Variants in PLEKHG4B observed in about 807,000 individuals in gnomAD.
PLEKHG4B encodes the protein pleckstrin homology domain-containing family G member 4B.
In PLEKHG4B, 111 loss-of-function variants were observed where a neutral mutation model predicts 121.3. The ratio of observed to expected loss-of-function variants is 0.92; its 90% CI spans 0.78 to 1.07. The LOEUF is 1.07. Among genes scored for constraint, PLEKHG4B ranks in the 50% least tolerant of loss-of-function variants. The pLI, the probability that PLEKHG4B is intolerant of heterozygous loss-of-function variation, is 0.00. For missense variants in PLEKHG4B, 1,831 were observed against 1,757.8 expected, an observed-to-expected ratio of 1.04 and a Z score of -0.74; for synonymous variants, 738 against 725.0, an observed-to-expected ratio of 1.02 and a Z score of -0.29.
intron 2 of PLEKHG4B, among the ~76,000 whole-genome samples, chr5:122,399 ATT>A (rs939939849): frequency 2.1e-4 from 30 of 142,236 alleles, no homozygotes; most frequent in African/African-American, 8.0e-4. Context: ...AATGCCCTTT[ATT>A]TTTATTTATT....
chr5:115,999 T>C (rs1208294661), intron 2 of PLEKHG4B, among the ~76,000 whole-genome samples: 2 of 152,260 alleles, frequency 1.3e-5, no homozygotes, highest in Non-Finnish European at 2.9e-5. Context: ...TTAGCTGACT[T>C]CTAGGTGCAG....
chr5:169,313 G>GC (rs762043837), intron 13 of PLEKHG4B, 27 bp from the exon 14 acceptor site: 10 of 1,611,522 alleles, frequency 6.2e-6, no homozygotes, highest in East Asian at 4.5e-5. Context: ...GGGGCCGTGT[G>GC]CCCCCCGGGA....
chr5:138,762 A>G (rs1490788955), intron 2 of PLEKHG4B, among the ~76,000 whole-genome samples: 2 of 152,386 alleles, frequency 1.3e-5, no homozygotes, highest in Non-Finnish European at 1.5e-5. Context: ...GCGGGGCTCT[A>G]GGCCCCAAGA....
intron 2 of PLEKHG4B, among the ~76,000 whole-genome samples, chr5:122,982 G>C (rs1198482371): frequency 6.6e-6 from 1 of 151,986 alleles, no homozygotes; most frequent in Non-Finnish European, 1.5e-5. Context: ...TCTCCTCTCA[G>C]CAATTCATAG....
chr5:155,464 G>A, intron 9 of PLEKHG4B, 21 bp downstream of exon 9: 1 of 1,591,394 alleles, frequency 6.3e-7, no homozygotes, highest in Non-Finnish European at 8.6e-7. Context: ...AGACTTGCAG[G>A]TAAGTTCATT....
intron 2 of PLEKHG4B, among the ~76,000 whole-genome samples, chr5:125,378 A>G (rs1198585051): frequency 2.0e-5 from 3 of 152,102 alleles, no homozygotes; most frequent in Non-Finnish European, 4.4e-5. Flanking sequence ...TTTGATTACC[A>G]TGGGGATTAC....
chr5:121,715 G>C (rs1734474331), intron 2 of PLEKHG4B, among the ~76,000 whole-genome samples: 1 of 151,862 alleles, frequency 6.6e-6, no homozygotes, highest in African/African-American at 2.4e-5. Flanking sequence ...TTTAAGTGTT[G>C]AAAGAAAAAA....
intron 1 of PLEKHG4B, among the ~76,000 whole-genome samples, chr5:92,509 C>G (rs1171102322): frequency 1.6e-5 from 1 of 62,876 alleles, no homozygotes; most frequent in East Asian, 4.5e-4. Context: ...GGTGAAGGCG[C>G]GAGCATCAAG....
At position 187,800 on chromosome 5, in the gene PLEKHG4B, A is replaced by AGT. The variant is rs1733672258; in HGVS notation, c.*5478_*5479insTG. ...TCCCCGGCCCGCCTGTAGCTCCCAA[A>AGT]GGTCTCAAGCCTCAACATCCTGGTA... is the stretch of plus-strand genomic sequence containing the variant. On this transcript the variant is annotated 3_prime_UTR_variant, in exon 20 of 20. Transcript: ENST00000637938. The AGT allele has an allele frequency of 2.0e-5, 3 of 152,220 alleles. No individual in the cohort carries two copies. Among genetic ancestry groups the AGT allele is most frequent in the Non-Finnish European group, 4.4e-5 (3 of 68,132 alleles). The allele number at this position is 152,220 out of a possible 1,614,324, so 9.4% of individuals were successfully genotyped here.
At chr5:152,945 C>G (rs1735652828) in intron 7 of PLEKHG4B, among the ~76,000 whole-genome samples, 1 of 152,190 alleles carries the variant, frequency 6.6e-6, no homozygotes, top group Non-Finnish European at 1.5e-5. Context: ...TGCCTTCTGC[C>G]ATGATTGTAA....
intron 6 of PLEKHG4B, among the ~76,000 whole-genome samples, chr5:150,411 G>A (rs1452742697): frequency 6.6e-6 from 1 of 152,172 alleles, no homozygotes; most frequent in Admixed American, 6.5e-5. Context: ...AAGATGAAAA[G>A]AGTTATGGAG....
At chr5:171,020 A>G in intron 14 of PLEKHG4B, 23 bp from the exon 15 acceptor site, 1 of 1,594,348 alleles carries the variant, frequency 6.3e-7, no homozygotes, top group South Asian at 1.1e-5. Context: ...CCCACAGCCA[A>G]GCAGTCGCCT....
intron 2 of PLEKHG4B, among the ~76,000 whole-genome samples, chr5:135,484 TG>T (rs1734931848): frequency 6.7e-6 from 1 of 148,634 alleles, no homozygotes; most frequent in Admixed American, 6.7e-5. Context: ...GCTAACACAG[TG>T]AAACCCTGTC....
chr5:141,710 C>CTTTTTTTT (rs1735210144), intron 3 of PLEKHG4B, among the ~76,000 whole-genome samples: 1 of 126,492 alleles, frequency 7.9e-6, no homozygotes, highest in Non-Finnish European at 1.6e-5. Context: ...TTAAATATTT[C>CTTTTTTTT]ATTTTTTTTT....
Position 140,032 on chromosome 5 carries a change from C to T in PLEKHG4B, c.793C>T (p.His265Tyr), listed in dbSNP as rs1579277065. ...GCATACGGGCAGCGACCAGCTCAGG[C>T]ACCTTCCTTATCCAGAAAGAGCCGA... ...RGHTGSDQLR[H>Y]LPYPERAELG... The change falls in exon 3 of 20, where the codon CAC (histidine) becomes TAC (tyrosine). Residue 265 changes from histidine to tyrosine, a missense_variant. Transcript: ENST00000637938. 2.3e-6 allele frequency: 1 copy of T among 428,634 alleles called. No individual in the cohort carries two copies. Among genetic ancestry groups the T allele is most frequent in the Admixed American group, 3.9e-5 (1 of 25,804 alleles). 26.6% of individuals were successfully genotyped at this position (428,634 alleles called of 1,614,324 possible). A position where few individuals can be genotyped will look rare whatever the true frequency, so the allele number is the denominator to read the frequency against.
intron 2 of PLEKHG4B, among the ~76,000 whole-genome samples, chr5:128,169 C>A (rs981014690): frequency 6.6e-6 from 1 of 152,006 alleles, no homozygotes; most frequent in Non-Finnish European, 1.5e-5. Flanking sequence ...TGGGAGGGCC[C>A]GGAAGAAAAA....
rs1364868206 is a variant in PLEKHG4B at position 188,738 on chromosome 5, C to G, written c.*6415C>G. 1 of 152,268 alleles carries G rather than the reference C, an allele frequency of 6.6e-6. No homozygotes were observed. The highest frequency in any genetic ancestry group is 1.9e-4 in the East Asian group (1 of 5,196). The allele number at this position is 152,268 out of a possible 1,614,324, so 9.4% of individuals were successfully genotyped here. A position where few individuals can be genotyped will look rare whatever the true frequency, so the allele number is the denominator to read the frequency against. On this transcript the variant is annotated 3_prime_UTR_variant, in exon 20 of 20. Coordinates refer to ENST00000637938, the MANE Select transcript of PLEKHG4B (RefSeq NM_052909.5). The stretch of plus-strand genomic sequence containing the variant: ...CCGTCTGGCTGGGACCTGGAGCTCC[C>G]CTCAAGCTGCAGATCCACTCTGCAC...
intron 2 of PLEKHG4B, among the ~76,000 whole-genome samples, chr5:126,867 G>A (rs575819584): frequency 1.3e-5 from 2 of 152,308 alleles, no homozygotes; most frequent in East Asian, 3.9e-4. Flanking sequence ...CTGGCCTGCG[G>A]CAGAGAGCAC....
At position 133,065 on chromosome 5, in the gene PLEKHG4B, T is replaced by C. The variant is rs181703896; in HGVS notation, c.244-6418T>C. Among the ~76,000 whole-genome samples, 162 of 152,358 alleles carry C rather than the reference T, an allele frequency of 1.1e-3. 1 individual carries two copies. Among genetic ancestry groups the C allele is most frequent in the African/African-American group, 3.9e-3 (161 of 41,576 alleles). On this transcript the variant is annotated intron_variant, in intron 2 of 19. Coordinates refer to ENST00000637938, the MANE Select transcript of PLEKHG4B (RefSeq NM_052909.5). ...ATTTGTTTGTGTCATCTATGATTTC[T>C]TTCAGCGGTGTTTTCTAGTTTTCCT...
Sources: allele counts gnomAD v4.1 joint callset (sites outside exome capture counted in the v4.1 genomes callset), GRCh38; gene constraint gnomAD v4.1.1; transcripts MANE v1.5; gene names NCBI Gene and HGNC (gene_info 2026-07-23, HGNC 2026-07-21).